The following ADGRG5 variants were observed in gnomAD, a reference collection of about 807,000 sequenced individuals.
The protein encoded by ADGRG5 is G protein-coupled receptor 114.
Under a neutral mutation model 53.2 loss-of-function variants are expected in ADGRG5, and 37 were observed. That is an observed-to-expected ratio of 0.70 (90% CI 0.53 to 0.91). The LOEUF (loss-of-function observed/expected upper bound fraction) is 0.91, where lower values mean the gene tolerates loss of function less well. Ranked by LOEUF, ADGRG5 falls within the 40% of genes least tolerant of loss-of-function variation. The pLI is 0.00. For missense variants in ADGRG5, 614 were observed against 675.8 expected (o/e 0.91, Z 1.01); for synonymous variants, 277 against 290.4 (o/e 0.95, Z 0.47).
intron 1 of ADGRG5, among the ~76,000 whole-genome samples, chr16:57,545,222 T>C (rs2032588827): frequency 1.3e-5 from 2 of 152,172 alleles, no homozygotes; most frequent in Admixed American, 1.3e-4. Flanking sequence ...AAAATAAACA[T>C]ATATATTTAA....
At position 57,570,507 on chromosome 16, in the gene ADGRG5, A is replaced by G. The variant is rs2033322493; in HGVS notation, c.1180A>G (p.Asn394Asp). 9 of 1,613,072 alleles carry G rather than the reference A, an allele frequency of 5.6e-6. No individual in the cohort carries two copies. Among genetic ancestry groups the G allele is most frequent in the African/African-American group, 1.3e-5 (1 of 74,912 alleles). ...CTIPVFDSWE[N>D]GTGFQNMSIC... is the part of the protein sequence containing the mutation. ...AATCCCCGTCTTCGACAGCTGGGAGAATGGCACAGGCTTCCAGAACATGTC... is the reference window on the plus strand; with the variant it reads ...AATCCCCGTCTTCGACAGCTGGGAGGATGGCACAGGCTTCCAGAACATGTC... The change falls in exon 10 of 12, where the codon AAT becomes GAT. Residue 394 changes from asparagine to aspartate, a missense_variant. Coordinates refer to ENST00000349457, the MANE Select transcript of ADGRG5 (RefSeq NM_001304376.3).
At chr16:57,556,511 C>A (rs2032885962) in intron 1 of ADGRG5, among the ~76,000 whole-genome samples, 1 of 152,108 alleles carries the variant, frequency 6.6e-6, no homozygotes, top group African/African-American at 2.4e-5. Flanking sequence ...GATTTAAATA[C>A]ACATATTTAA....
intron 1 of ADGRG5, among the ~76,000 whole-genome samples, chr16:57,544,570 G>C (rs1256031718): frequency 1.3e-5 from 2 of 152,122 alleles, no homozygotes; most frequent in East Asian, 1.9e-4. Flanking sequence ...TGGAACCAGT[G>C]GGGGTAAGAG....
At chr16:57,559,107 C>T (rs866648240) in intron 1 of ADGRG5, among the ~76,000 whole-genome samples, 2 of 152,040 alleles carry the variant, frequency 1.3e-5, no homozygotes, top group Admixed American at 6.6e-5. Context: ...ACCTCGGCCA[C>T]CCAAAGTGTT....
Position 57,566,601 on chromosome 16 carries a change from A to G in ADGRG5, c.549A>G (p.Glu183=). Residue 183 remains glutamate, a splice_region_variant and synonymous_variant, in exon 7 of 12, where the codon GAA becomes GAG. Transcript: ENST00000349457. The part of the protein sequence containing the change: ...NISFWHNQSL[E]GYTLTCVFWK... Reference sequence around the variant, plus strand: ...ACTGACCCAGCATCTCCACCCAGGAAGGCTACACCCTGACCTGTGTCTTCT... The same window carrying G: ...ACTGACCCAGCATCTCCACCCAGGAGGGCTACACCCTGACCTGTGTCTTCT... The G allele has an allele frequency of 6.7e-7, 1 of 1,503,526 alleles. No individual in the cohort carries two copies. Among genetic ancestry groups the G allele is most frequent in the African/African-American group, 1.4e-5 (1 of 70,366 alleles). The allele number at this position is 1,503,526 out of a possible 1,614,324, so 93.1% of individuals were successfully genotyped here. A position where few individuals can be genotyped will look rare whatever the true frequency, so the allele number is the denominator to read the frequency against.
At chr16:57,567,432 C>T (rs757540950) in intron 7 of ADGRG5, 38 bp from the exon 8 acceptor site, 1 of 1,600,058 alleles carries the variant, frequency 6.2e-7, no homozygotes, top group Admixed American at 1.7e-5. Flanking sequence ...AAGGGCGATA[C>T]TATGCTTCTG....
intron 9 of ADGRG5, among the ~76,000 whole-genome samples, chr16:57,568,386 C>T (rs1401972815): frequency 6.6e-6 from 1 of 151,882 alleles, no homozygotes; most frequent in Non-Finnish European, 1.5e-5. Context: ...CCTCCACCTC[C>T]TCCACCACCA....
rs767650579 is a variant in ADGRG5 at position 57,562,051 on chromosome 16, T to C, written c.-38-5T>C. On this transcript the variant is annotated splice_region_variant and splice_polypyrimidine_tract_variant and intron_variant, in intron 1 of 11. Coordinates refer to ENST00000349457, the MANE Select transcript of ADGRG5 (RefSeq NM_001304376.3). ...CATCATGGTGATGGCATGCACCTTTTTCAGGGCCGGAGCCAGTTCTTGGAG... is the reference window on the plus strand; with the variant it reads ...CATCATGGTGATGGCATGCACCTTTCTCAGGGCCGGAGCCAGTTCTTGGAG... 6.7e-7 allele frequency: 1 copy of C among 1,495,964 alleles called. No individual in the cohort carries two copies. The highest frequency in any genetic ancestry group is 2.2e-5 in the Admixed American group (1 of 44,744). 92.7% of individuals were successfully genotyped at this position (1,495,964 alleles called of 1,614,324 possible). A position where few individuals can be genotyped will look rare whatever the true frequency, so the allele number is the denominator to read the frequency against.
chr16:57,569,235 C>A, intron 9 of ADGRG5, among the ~76,000 whole-genome samples: 1 of 150,840 alleles, frequency 6.6e-6, no homozygotes, highest in Non-Finnish European at 1.5e-5. Context: ...CCACCATCAT[C>A]TCCTTCACCT....
chr16:57,555,887 C>G (rs532687612), intron 1 of ADGRG5, among the ~76,000 whole-genome samples: 1 of 152,238 alleles, frequency 6.6e-6, no homozygotes, highest in Admixed American at 6.5e-5. Context: ...AGATTTCCCC[C>G]TTGCTGTTCT....
chr16:57,550,553 G>C (rs1350895063), intron 1 of ADGRG5, among the ~76,000 whole-genome samples: 1 of 152,064 alleles, frequency 6.6e-6, no homozygotes, highest in Non-Finnish European at 1.5e-5. Flanking sequence ...TCACGTTTTT[G>C]GTGTTGTTTC....
the ADGRG5 span, chr16:57,529,430 A>G: frequency 4.6e-3 from 1,091 of 236,686 alleles, 13 homozygotes; most frequent in African/African-American, 0.02. This position sits in a 1 kb window ranked among gnomAD's most constrained non-coding sequence, Gnocchi z 4.1. Flanking sequence ...GTAGGAGGAG[A>G]GAGTTCTGTT....
rs1179156951 is a variant in ADGRG5 at position 57,567,909 on chromosome 16, T to C, written c.875T>C (p.Leu292Pro). 2 of 1,613,554 alleles carry C rather than the reference T, an allele frequency of 1.2e-6. No individual in the cohort carries two copies. The highest frequency in any genetic ancestry group is 3.3e-5 in the Admixed American group (2 of 59,972). ...CACATGAACCTGCATGCCTCCGTGC[T>C]GCTCCTGAACATCGCCTTCCTGCTG... ...RIHMNLHASV[L>P]LLNIAFLLSP... The change falls in exon 9 of 12, where the codon CTG (leucine) becomes CCG (proline). Residue 292 changes from leucine (L) to proline (P), a missense_variant. By Grantham distance (98) the Leu-to-Pro change is moderately conservative (BLOSUM62 -3). Transcript: ENST00000349457.
chr16:57,573,095 C>T (rs71387177), intron 10 of ADGRG5, among the ~76,000 whole-genome samples: 6,304 of 152,118 alleles, frequency 0.041, 409 homozygotes, highest in East Asian at 0.33. Flanking sequence ...TAAAGCACAT[C>T]GTTACTGGTG....
At chr16:57,532,189 G>A in the ADGRG5 span, among the ~76,000 whole-genome samples, 1 of 152,182 alleles carries the variant, frequency 6.6e-6, no homozygotes, top group South Asian at 2.1e-4. Flanking sequence ...ATACCCGAGA[G>A]AGTCATGTTT....
At chr16:57,572,686 G>A (rs556119189) in intron 10 of ADGRG5, among the ~76,000 whole-genome samples, 8 of 152,292 alleles carry the variant, frequency 5.3e-5, no homozygotes, top group South Asian at 4.1e-4. Flanking sequence ...GCGAGACTCC[G>A]TCTCAAAAAA....
At chr16:57,551,154 A>ATC (rs1413305613) in intron 1 of ADGRG5, among the ~76,000 whole-genome samples, 1 of 152,228 alleles carries the variant, frequency 6.6e-6, no homozygotes, top group African/African-American at 2.4e-5. Flanking sequence ...CTAGCAATCT[A>ATC]TCTGAGCCTT....
In ADGRG5 at chr16:57,577,123, C is replaced by T. The variant is rs188180514; in HGVS notation, c.*1585C>T. On this transcript the variant is annotated 3_prime_UTR_variant, in exon 12 of 12. Coordinates refer to ENST00000349457, the MANE Select transcript of ADGRG5 (RefSeq NM_001304376.3). ...TTGTAAAATAGAGGCCATAGTGGTA[C>T]CTATTTTGAAGACTAAGTAAAAGAA... is the stretch of plus-strand genomic sequence containing the variant. 9 of 152,280 alleles carry T rather than the reference C, an allele frequency of 5.9e-5. No homozygotes were observed. In the East Asian group the frequency reaches 1.5e-3, roughly 26 times the overall value. The allele number at this position is 152,280 out of a possible 1,614,324, so 9.4% of individuals were successfully genotyped here. A position where few individuals can be genotyped will look rare whatever the true frequency, so the allele number is the denominator to read the frequency against.
intron 1 of ADGRG5, among the ~76,000 whole-genome samples, chr16:57,549,854 T>G (rs2032705972): frequency 6.6e-6 from 1 of 152,258 alleles, no homozygotes; most frequent in South Asian, 2.1e-4. Flanking sequence ...CTCATAATAC[T>G]TTGTATTACC....
Sources: allele counts gnomAD v4.1 joint callset (sites outside exome capture counted in the v4.1 genomes callset), GRCh38; gene constraint gnomAD v4.1.1; non-coding constraint Gnocchi (gnomAD v3.1); transcripts MANE v1.5; gene names NCBI Gene and HGNC (gene_info 2026-07-23, HGNC 2026-07-21).